Variants in GRK2 observed in about 807,000 individuals in gnomAD.
GRK2 encodes the protein G protein-coupled receptor kinase 2, also known as adrenergic beta receptor kinase 1.
Under a neutral mutation model 97.8 loss-of-function variants are expected in GRK2, and 23 were observed. The observed-to-expected ratio is 0.24, with a 90% CI of 0.17 to 0.33. GRK2 has a LOEUF of 0.33. Ranked by LOEUF, GRK2 falls within the 10% of genes least tolerant of loss-of-function variation. The probability of loss-of-function intolerance (pLI) is 1.00; values close to 1 mark genes in which losing one functional copy is unlikely to be tolerated. For missense variants in GRK2, 633 were observed against 956.9 expected (o/e 0.66, Z 4.47); for synonymous variants, 425 against 381.7 (o/e 1.11, Z -1.32).
Position 67,284,283 on chromosome 11 carries a change from G to A in GRK2, c.1564G>A (p.Ala522Thr). The A allele has an allele frequency of 6.2e-7, 1 of 1,613,456 alleles. No homozygotes were observed. The highest frequency in any genetic ancestry group is 8.5e-7 in the Non-Finnish European group (1 of 1,179,982). The change falls in exon 18 of 21, where the codon GCA becomes ACA. Residue 522 changes from alanine to threonine, a missense_variant. Around this residue, in one of 4 missense-constraint regions of GRK2, gnomAD observed 180 missense variants for 311.3 expected, o/e 0.58. Coordinates refer to ENST00000308595, the MANE Select transcript of GRK2 (RefSeq NM_001619.5). ...CTCGGAGCGGTGGCAGCAGGAGGTGGCAGAGACTGTCTTCGACACCATCAA... is the reference window on the plus strand; with the variant it reads ...CTCGGAGCGGTGGCAGCAGGAGGTGACAGAGACTGTCTTCGACACCATCAA... The part of the protein sequence containing the change: ...TISERWQQEV[A>T]ETVFDTINAE...
chr11:67,279,150 A>T, intron 2 of GRK2, 50 bp from the exon 3 acceptor site: 1 of 1,458,378 alleles, frequency 6.9e-7, no homozygotes, highest in South Asian at 1.1e-5. Flanking sequence ...CAATGATGGG[A>T]AGGCCTCTGA....
rs1327518572 is a variant in GRK2, at chr11:67,276,685, C to T, written c.114-587C>T. The T allele has an allele frequency of 6.6e-6, 1 of 152,230 alleles. No individual in the cohort carries two copies. The highest frequency in any genetic ancestry group is 1.5e-5 in the Non-Finnish European group (1 of 68,058). The allele number at this position is 152,230 out of a possible 1,614,324, so 9.4% of individuals were successfully genotyped here. ...CCCTTACCCCAAAAAGAAACCCCGT[C>T]CCCACCGCAGTCACTCCTCTCCCTC... On this transcript the variant is annotated intron_variant, in intron 1 of 20. Coordinates refer to ENST00000308595, the MANE Select transcript of GRK2 (RefSeq NM_001619.5). This position sits in a 1 kb window ranked among gnomAD's most constrained non-coding sequence, Gnocchi z 4.2.
chr11:67,272,813 G>C (rs1859938376), intron 1 of GRK2, among the ~76,000 whole-genome samples: 1 of 152,262 alleles, frequency 6.6e-6, no homozygotes, highest in South Asian at 2.1e-4. Context: ...CCTGAAGCTG[G>C]TCTGTGAGCA....
chr11:67,277,456 C>A, intron 2 of GRK2, 108 bp downstream of exon 2: 1 of 959,200 alleles, frequency 1.0e-6, no homozygotes, highest in Non-Finnish European at 1.6e-6. Flanking sequence ...CCCATCCACT[C>A]AGGGTGGAGC....
chr11:67,267,293 G>C (rs1859820770), intron 1 of GRK2, among the ~76,000 whole-genome samples: 1 of 152,150 alleles, frequency 6.6e-6, no homozygotes, highest in African/African-American at 2.4e-5. Flanking sequence ...CACGGCACTC[G>C]CTTTAGGGTT....
rs1184674230 is a variant in GRK2, at chr11:67,285,641, CCT to C, written c.*194_*195del. The C allele has an allele frequency of 1.4e-6, 1 of 690,218 alleles. No individual in the cohort carries two copies. The highest frequency in any genetic ancestry group is 2.3e-6 in the Non-Finnish European group (1 of 434,738). 42.8% of individuals were successfully genotyped at this position (690,218 alleles called of 1,614,324 possible). A position where few individuals can be genotyped will look rare whatever the true frequency, so the allele number is the denominator to read the frequency against. ...CACCAACCCAGCCGCTGCCCGGCGC[CCT>C]CTGTCCTGACTTCAGGGGCTGCCCG... On this transcript the variant is annotated 3_prime_UTR_variant, in exon 21 of 21. Coordinates refer to ENST00000308595, the MANE Select transcript of GRK2 (RefSeq NM_001619.5).
At chr11:67,280,224 G>C in intron 6 of GRK2, 3 of 433,540 alleles carry the variant, frequency 6.9e-6, no homozygotes, top group Non-Finnish European at 8.5e-6. Flanking sequence ...GGACTGAGAA[G>C]CATCAGAGTC....
chr11:67,281,522 G>C lies in GRK2; in HGVS notation c.711G>C (p.Leu237=). 6.2e-7 allele frequency: 1 copy of C among 1,613,650 alleles called. No individual in the cohort carries two copies. Among genetic ancestry groups the C allele is most frequent in the Non-Finnish European group, 8.5e-7 (1 of 1,179,976 alleles). Residue 237 remains leucine, a synonymous_variant, in exon 9 of 21, where the codon CTG becomes CTC. Coordinates refer to ENST00000308595, the MANE Select transcript of GRK2 (RefSeq NM_001619.5). The surrounding 1 kb of genome is among the most constrained non-coding windows in gnomAD (Gnocchi z 5.7). The part of the protein sequence containing the change: ...IKMKQGETLA[L]NERIMLSLVS... ...TGAAGCAGGGGGAGACCCTGGCCCT[G>C]AACGAGCGCATCATGCTCTCGCTCG...
rs1859872409 is a variant in GRK2, at chr11:67,269,907, C to A, written c.113+3095C>A. On this transcript the variant is annotated intron_variant, in intron 1 of 20. Transcript: ENST00000308595. This position sits in a 1 kb window ranked among gnomAD's most constrained non-coding sequence, Gnocchi z 4.1. Reference sequence around the variant, plus strand: ...TGCCACACTGAGTTGGCACAGGGGCCTCCCCTTCTGTCACCCTATAGAATC... The same window carrying A: ...TGCCACACTGAGTTGGCACAGGGGCATCCCCTTCTGTCACCCTATAGAATC... Among the ~76,000 whole-genome samples the A allele has an allele frequency of 6.6e-6, 1 of 152,206 alleles. No individual in the cohort carries two copies. The highest frequency in any genetic ancestry group is 2.4e-5 in the African/African-American group (1 of 41,444).
Position 67,283,188 on chromosome 11 carries a change from C to G in GRK2, c.1288C>G (p.Gln430Glu), listed in dbSNP as rs759859470. The G allele has an allele frequency of 1.2e-6, 2 of 1,613,972 alleles. No individual in the cohort carries two copies. The highest frequency in any genetic ancestry group is 4.5e-5 in the East Asian group (2 of 44,886). The change falls in exon 15 of 21, where the codon CAG becomes GAG. Residue 430 changes from glutamine (Q) to glutamate (E), a missense_variant. By Grantham distance (29) the Gln-to-Glu change is conservative. Transcript: ENST00000308595. ...ACGCTCCCTGCTGGAGGGGTTGCTGCAGAGGGATGTCAACCGGAGATTGGG... is the reference window on the plus strand; with the variant it reads ...ACGCTCCCTGCTGGAGGGGTTGCTGGAGAGGGATGTCAACCGGAGATTGGG... ...ELRSLLEGLL[Q>E]RDVNRRLGCL...
chr11:67,280,634 C>A, intron 6 of GRK2, 98 bp from the exon 7 acceptor site: 1 of 1,390,276 alleles, frequency 7.2e-7, no homozygotes, highest in African/African-American at 1.4e-5. Flanking sequence ...CCTACCCTCA[C>A]GGGACCCCAG....
chr11:67,268,076 C>T (rs898420088), intron 1 of GRK2, among the ~76,000 whole-genome samples: 35 of 152,236 alleles, frequency 2.3e-4, no homozygotes, highest in Admixed American at 9.8e-4. Context: ...TCCACACTGC[C>T]GTGGTCTTAT....
At chr11:67,274,611 G>A (rs1171042410) in intron 1 of GRK2, among the ~76,000 whole-genome samples, 9 of 145,728 alleles carry the variant, frequency 6.2e-5, no homozygotes, top group Admixed American at 1.4e-4. Flanking sequence ...TTTTCTCCAC[G>A]TTCCAGTCTC....
At position 67,282,364 on chromosome 11, in the gene GRK2, G is replaced by A; in HGVS notation, c.1051G>A (p.Val351Met). Residue 351 changes from valine (V) to methionine (M), a missense_variant and splice_region_variant, in exon 12 of 21, where the codon GTG becomes ATG. By Grantham distance (21) the Val-to-Met change is conservative. Coordinates refer to ENST00000308595, the MANE Select transcript of GRK2 (RefSeq NM_001619.5). This position sits in a 1 kb window ranked among gnomAD's most constrained non-coding sequence, Gnocchi z 6.9. ...DFSKKKPHAS[V>M]GTHGYMAPEV... Reference sequence around the variant, plus strand: ...CTCCAAGAAGAAGCCCCATGCCAGCGTGTGAGTGCCCCCCACCCTCTCCCT... The same window carrying A: ...CTCCAAGAAGAAGCCCCATGCCAGCATGTGAGTGCCCCCCACCCTCTCCCT... The A allele has an allele frequency of 1.9e-6, 3 of 1,613,464 alleles. No homozygotes were observed. Among genetic ancestry groups the A allele is most frequent in the Non-Finnish European group, 1.7e-6 (2 of 1,179,912 alleles).
rs944494313 is a variant in GRK2, at chr11:67,282,980, C to T, written c.1228-148C>T. The T allele has an allele frequency of 3.2e-5, 37 of 1,142,226 alleles. No homozygotes were observed. In the East Asian group the frequency reaches 3.3e-4, roughly 10 times the overall value. 70.8% of individuals were successfully genotyped at this position (1,142,226 alleles called of 1,614,324 possible). On this transcript the variant is annotated intron_variant, in intron 14 of 20. Transcript: ENST00000308595. This position sits in a 1 kb window ranked among gnomAD's most constrained non-coding sequence, Gnocchi z 6.9. ...CTGCCCCATAGGCTCTCGCCCTCCC[C>T]GTGCTGTTGGAGCATGACTGCTGGG... is the stretch of plus-strand genomic sequence containing the variant.
At position 67,285,639 on chromosome 11, in the gene GRK2, G is replaced by A. The variant is rs997499031; in HGVS notation, c.*189G>A. Reference sequence around the variant, plus strand: ...TGCACCAACCCAGCCGCTGCCCGGCGCCCTCTGTCCTGACTTCAGGGGCTG... The same window carrying A: ...TGCACCAACCCAGCCGCTGCCCGGCACCCTCTGTCCTGACTTCAGGGGCTG... On this transcript the variant is annotated 3_prime_UTR_variant, in exon 21 of 21. Transcript: ENST00000308595. The A allele has an allele frequency of 5.3e-5, 37 of 704,682 alleles. No homozygotes were observed. The East Asian group carries it at 6.5e-4, about 12-fold the overall frequency. 43.7% of individuals were successfully genotyped at this position (704,682 alleles called of 1,614,324 possible). A position where few individuals can be genotyped will look rare whatever the true frequency, so the allele number is the denominator to read the frequency against.
rs933347527 is a variant in GRK2 at position 67,285,858 on chromosome 11, C to T, written c.*408C>T. On this transcript the variant is annotated 3_prime_UTR_variant, in exon 21 of 21. Transcript: ENST00000308595. ...GGATCCGACTTGAATTTTCCCACTG[C>T]ACCCCCTCCTGCTGCAGAGGGGCAG... is the stretch of plus-strand genomic sequence containing the variant. The T allele has an allele frequency of 8.6e-5, 20 of 232,012 alleles. No homozygotes were observed. Among genetic ancestry groups the T allele is most frequent in the Admixed American group, 6.2e-4 (12 of 19,214 alleles). The allele number at this position is 232,012 out of a possible 1,614,324, so 14.4% of individuals were successfully genotyped here. A position where few individuals can be genotyped will look rare whatever the true frequency, so the allele number is the denominator to read the frequency against.
chr11:67,284,681 C>T (rs1565069269), intron 18 of GRK2, 166 bp from the exon 19 acceptor site: 18 of 975,116 alleles, frequency 1.8e-5, no homozygotes, highest in East Asian at 1.3e-4. Flanking sequence ...CCCAGCTACC[C>T]GGGAGGCTGA....
Position 67,281,771 on chromosome 11 carries a change from G to T in GRK2, c.826+43G>T. On this transcript the variant is annotated intron_variant, in intron 10 of 20. Coordinates refer to ENST00000308595, the MANE Select transcript of GRK2 (RefSeq NM_001619.5). The surrounding 1 kb of genome is among the most constrained non-coding windows in gnomAD (Gnocchi z 5.7). ...CCTAGGGTGGGCCGGGCCCAGGCAC[G>T]GGAGGCTGGGGCAAGACACTGAGTG... 8 of 1,613,544 alleles carry T rather than the reference G, an allele frequency of 5.0e-6. No homozygotes were observed. Among genetic ancestry groups the T allele is most frequent in the Non-Finnish European group, 5.9e-6 (7 of 1,179,950 alleles).
Sources: allele counts gnomAD v4.1 joint callset (sites outside exome capture counted in the v4.1 genomes callset), GRCh38; gene constraint gnomAD v4.1.1; regional missense constraint gnomAD v4.1.1; non-coding constraint Gnocchi (gnomAD v3.1); transcripts MANE v1.5; gene names NCBI Gene and HGNC (gene_info 2026-07-23, HGNC 2026-07-21).